FAM241A: variants seen among roughly 807,000 people sequenced by gnomAD.
The protein encoded by FAM241A is uncharacterized protein FAM241A.
A neutral mutation model predicts 12.2 loss-of-function variants in FAM241A; 7 were observed. The ratio of observed to expected loss-of-function variants is 0.58; its 90% confidence interval spans 0.33 to 1.08. The LOEUF is 1.08. Among genes scored for constraint, FAM241A ranks in the 50% least tolerant of loss-of-function variants. The pLI is 0.04. For synonymous variants in FAM241A, 74 were observed against 68.2 expected, an observed-to-expected ratio of 1.08 and a Z score of -0.42; for missense variants, 161 against 169.7, an observed-to-expected ratio of 0.95 and a Z score of 0.29.
intron 1 of FAM241A, among the ~76,000 whole-genome samples, chr4:112,177,827 AATTTAGTCTAGAATTT>A (rs1723853305): frequency 6.6e-6 from 1 of 152,192 alleles, no homozygotes; most frequent in Non-Finnish European, 1.5e-5. Context: ...CATATTCTGT[AATTTAGTCTAGAATTT>A]ATAAATATTT....
intron 1 of FAM241A, among the ~76,000 whole-genome samples, chr4:112,164,706 G>A (rs1578373486): frequency 6.6e-6 from 1 of 152,184 alleles, no homozygotes; most frequent in African/African-American, 2.4e-5. Context: ...AAACTACCCT[G>A]ACAAGCGATT....
chr4:112,170,373 A>G (rs1723691813), intron 1 of FAM241A, among the ~76,000 whole-genome samples: 1 of 152,218 alleles, frequency 6.6e-6, no homozygotes, highest in South Asian at 2.1e-4. Flanking sequence ...ATAACATTTC[A>G]TTTATAAGTT....
intron 1 of FAM241A, among the ~76,000 whole-genome samples, chr4:112,181,466 C>T (rs959732699): frequency 1.3e-5 from 2 of 152,140 alleles, no homozygotes; most frequent in African/African-American, 4.8e-5. Context: ...CAGGACATAG[C>T]GTTTGCTACA....
chr4:112,175,332 C>G (rs1374012153), intron 1 of FAM241A, among the ~76,000 whole-genome samples: 3 of 152,196 alleles, frequency 2.0e-5, no homozygotes, highest in Non-Finnish European at 4.4e-5. Context: ...CACCAGCTAT[C>G]TAACTACAGT....
intron 1 of FAM241A, among the ~76,000 whole-genome samples, chr4:112,170,506 T>G (rs1198567047): frequency 6.6e-6 from 1 of 152,214 alleles, no homozygotes; most frequent in Non-Finnish European, 1.5e-5. Context: ...TGTATCATAG[T>G]CACCCTTCTT....
chr4:112,160,117 G>A (rs910584827), intron 1 of FAM241A, among the ~76,000 whole-genome samples: 1 of 152,094 alleles, frequency 6.6e-6, no homozygotes, highest in African/African-American at 2.4e-5. Flanking sequence ...AAAATCAGTA[G>A]CATTTCTGGA....
intron 1 of FAM241A, chr4:112,171,258 T>G (rs1723713099): frequency 6.7e-6 from 5 of 747,970 alleles, no homozygotes; most frequent in Non-Finnish European, 1.2e-5. Flanking sequence ...CTGTACGAAG[T>G]GTGGCAAGCA....
At chr4:112,155,807 A>G (rs189212562) in intron 1 of FAM241A, among the ~76,000 whole-genome samples, 4 of 152,328 alleles carry the variant, frequency 2.6e-5, no homozygotes, top group Admixed American at 1.3e-4. Context: ...ATATTTGGCT[A>G]TATGAGATAT....
intron 1 of FAM241A, among the ~76,000 whole-genome samples, chr4:112,154,481 T>C (rs1388532543): frequency 1.3e-5 from 2 of 152,080 alleles, no homozygotes; most frequent in Non-Finnish European, 2.9e-5. Flanking sequence ...TTGCCCAGGC[T>C]GGTTATGAAC....
chr4:112,168,014 C>T (rs1723634760), intron 1 of FAM241A, among the ~76,000 whole-genome samples: 1 of 152,218 alleles, frequency 6.6e-6, no homozygotes, highest in Non-Finnish European at 1.5e-5. Context: ...GGGCACAGCA[C>T]ATCTTGCATA....
At chr4:112,147,289 A>G (rs1445750692) in intron 1 of FAM241A, among the ~76,000 whole-genome samples, 1 of 151,974 alleles carries the variant, frequency 6.6e-6, no homozygotes, top group Admixed American at 6.6e-5. Context: ...ATTCTCCTGT[A>G]CTCCTTTGAA....
Position 112,145,586 on chromosome 4 carries a change from C to A in FAM241A, c.6C>A (p.Cys2Ter). 8.0e-7 allele frequency: 1 copy of A among 1,248,378 alleles called. No individual in the cohort carries two copies. The highest frequency in any genetic ancestry group is 3.1e-5 in the East Asian group (1 of 32,522). The allele number at this position is 1,248,378 out of a possible 1,614,324, so 77.3% of individuals were successfully genotyped here. The part of the protein sequence containing the change: M[C>*]SAGELLRGGD... ...CGGTAGGAGTTGGCTGCGGGATGTG[C>A]TCAGCCGGGGAGCTGCTGCGGGGCG... The change falls in exon 1 of 2, where the codon TGC (cysteine) becomes TGA (stop). Residue 2 changes from cysteine (C) to a stop codon, truncating the protein, a stop_gained. Transcript: ENST00000309733. LOFTEE classifies it high-confidence loss of function.
chr4:112,159,783 A>T (rs1723423461), intron 1 of FAM241A, among the ~76,000 whole-genome samples: 1 of 152,222 alleles, frequency 6.6e-6, no homozygotes, highest in African/African-American at 2.4e-5. Flanking sequence ...ATCTCAACAT[A>T]ACAAAAGCCA....
At chr4:112,158,425 G>T (rs1368199081) in intron 1 of FAM241A, among the ~76,000 whole-genome samples, 1 of 151,908 alleles carries the variant, frequency 6.6e-6, no homozygotes, top group Non-Finnish European at 1.5e-5. Context: ...TTTCTTGATA[G>T]CTTTTAGCCC....
rs147189635 is a variant in FAM241A, at chr4:112,188,093, T to G, written c.*1155T>G. The G allele has an allele frequency of 1.3e-3, 204 of 152,306 alleles. 1 individual carries two copies. The highest frequency in any genetic ancestry group is 4.7e-3 in the African/African-American group (194 of 41,586). The allele number at this position is 152,306 out of a possible 1,614,324, so 9.4% of individuals were successfully genotyped here. A position where few individuals can be genotyped will look rare whatever the true frequency, so the allele number is the denominator to read the frequency against. ...TCAGGTTTTATATTGAAATACGCAT[T>G]TCTTTAAATATTCTTTGAAAATGGA... On this transcript the variant is annotated 3_prime_UTR_variant, in exon 2 of 2. Transcript: ENST00000309733.
In FAM241A at chr4:112,187,416, G is replaced by T; in HGVS notation, c.*478G>T. The T allele has an allele frequency of 6.5e-6, 1 of 153,422 alleles. No individual in the cohort carries two copies. The highest frequency in any genetic ancestry group is 1.5e-5 in the Non-Finnish European group (1 of 68,690). The allele number at this position is 153,422 out of a possible 1,614,324, so 9.5% of individuals were successfully genotyped here. A position where few individuals can be genotyped will look rare whatever the true frequency, so the allele number is the denominator to read the frequency against. The stretch of plus-strand genomic sequence containing the variant: ...ATCTCATATTATTTGGGAAATATTT[G>T]GATTTCAATTGTCCCTACCCAGCCT... On this transcript the variant is annotated 3_prime_UTR_variant, in exon 2 of 2. Coordinates refer to ENST00000309733, the MANE Select transcript of FAM241A (RefSeq NM_152400.3).
rs1201805094 is a variant in FAM241A at position 112,194,222 on chromosome 4, T to A, written c.*7284T>A. ...TTGTATCCTGAGACTTTGCTGAAGT[T>A]GCTTATCAGCTTAAGGAGATTTTGG... On this transcript the variant is annotated 3_prime_UTR_variant, in exon 2 of 2. Coordinates refer to ENST00000309733, the MANE Select transcript of FAM241A (RefSeq NM_152400.3). 6.8e-6 allele frequency: 1 copy of A among 148,118 alleles called. No individual in the cohort carries two copies. The highest frequency in any genetic ancestry group is 1.5e-5 in the Non-Finnish European group (1 of 66,370). 9.2% of individuals were successfully genotyped at this position (148,118 alleles called of 1,614,324 possible). A position where few individuals can be genotyped will look rare whatever the true frequency, so the allele number is the denominator to read the frequency against.
chr4:112,164,193 A>T (rs555021746), intron 1 of FAM241A, among the ~76,000 whole-genome samples: 3 of 151,880 alleles, frequency 2.0e-5, no homozygotes, highest in Non-Finnish European at 4.4e-5. Context: ...CAGCACACCA[A>T]CATGGCACAT....
chr4:112,154,523 CT>C (rs1723312531), intron 1 of FAM241A, among the ~76,000 whole-genome samples: 1 of 152,152 alleles, frequency 6.6e-6, no homozygotes, highest in African/African-American at 2.4e-5. Flanking sequence ...CTGCCTTGGC[CT>C]TCCGAAGTGC....
Sources: gnomAD v4.1 joint callset for allele counts (sites outside exome capture counted in the v4.1 genomes callset) on GRCh38, gnomAD v4.1.1 for gene constraint, MANE v1.5 for transcripts, NCBI Gene and HGNC (gene_info 2026-07-23, HGNC 2026-07-21) for gene names.